Variants in SOX5 observed in about 807,000 individuals in gnomAD.
The protein encoded by SOX5 is SRY-box transcription factor 5, also known as transcription factor SOX-5.
A neutral mutation model predicts 92.0 loss-of-function variants in SOX5; 9 were observed. The ratio of observed to expected loss-of-function variants is 0.10; its 90% CI spans 0.06 to 0.17. The LOEUF (loss-of-function observed/expected upper bound fraction) is 0.17. SOX5 is among the 10% of genes least tolerant of loss of function. SOX5 has a pLI of 1.00. For missense variants in SOX5, 642 were observed against 944.5 expected (o/e 0.68, Z 4.20); for synonymous variants, 344 against 336.3 (o/e 1.02, Z -0.25).
At chr12:24,040,851 C>T (rs779753439) in intron 4 of SOX5, among the ~76,000 whole-genome samples, 1 of 151,338 alleles carries the variant, frequency 6.6e-6, no homozygotes, top group African/African-American at 2.4e-5. Context: ...CCAGCCTGGG[C>T]GACAGAGCAA....
intron 1 of SOX5, among the ~76,000 whole-genome samples, chr12:24,474,659 C>T (rs1053913553): frequency 1.3e-5 from 2 of 151,552 alleles, no homozygotes; most frequent in Admixed American, 6.6e-5. Flanking sequence ...CCTCAGTCTC[C>T]CGGGTAGCTG....
intron 3 of SOX5, among the ~76,000 whole-genome samples, chr12:24,220,345 T>A (rs1960104553): frequency 6.6e-6 from 1 of 151,938 alleles, no homozygotes; most frequent in Non-Finnish European, 1.5e-5. Context: ...AATCAGAGGA[T>A]TTGTACTTTA....
At chr12:24,000,266 T>C (rs1410016800) in intron 4 of SOX5, among the ~76,000 whole-genome samples, 1 of 151,656 alleles carries the variant, frequency 6.6e-6, no homozygotes, top group Non-Finnish European at 1.5e-5. Context: ...AAAAGGTAAA[T>C]ATGTGGGTTA....
intron 1 of SOX5, among the ~76,000 whole-genome samples, chr12:24,368,833 C>T (rs1473344537): frequency 6.6e-6 from 1 of 152,152 alleles, no homozygotes; most frequent in Non-Finnish European, 1.5e-5. Flanking sequence ...TCTAAAAACT[C>T]CATTCTTGAG....
chr12:23,628,352 C>T (rs527337607), intron 8 of SOX5, among the ~76,000 whole-genome samples: 1 of 151,962 alleles, frequency 6.6e-6, no homozygotes, highest in South Asian at 2.1e-4. Context: ...TCTCTGTTAC[C>T]TTAAGCAACT....
chr12:23,541,592 T>G (rs2135990792), intron 13 of SOX5, among the ~76,000 whole-genome samples: 1 of 152,338 alleles, frequency 6.6e-6, no homozygotes, highest in East Asian at 1.9e-4. Context: ...TATTTCCTCT[T>G]GATCAGTTCA....
chr12:24,103,661 T>C (rs1039910123), intron 4 of SOX5, among the ~76,000 whole-genome samples: 1 of 152,218 alleles, frequency 6.6e-6, no homozygotes, highest in African/African-American at 2.4e-5. Context: ...TAATAAAGTA[T>C]AAAAGCTTTA....
chr12:24,144,688 C>A (rs6487373), intron 4 of SOX5, among the ~76,000 whole-genome samples: 86,729 of 151,422 alleles, frequency 0.57, 25,128 homozygotes, highest in Non-Finnish European at 0.62. Flanking sequence ...ATTTAGCCAG[C>A]CTTGGAAGCG....
chr12:24,346,791 C>T (rs1254456976), intron 2 of SOX5, among the ~76,000 whole-genome samples: 1 of 151,898 alleles, frequency 6.6e-6, no homozygotes, highest in Admixed American at 6.6e-5. Flanking sequence ...TTGTGGTGTA[C>T]ACCGCATGTT....
At chr12:24,000,577 A>G (rs1182799765) in intron 4 of SOX5, among the ~76,000 whole-genome samples, 2 of 152,166 alleles carry the variant, frequency 1.3e-5, no homozygotes, top group African/African-American at 4.8e-5. Flanking sequence ...TGTGTATAGT[A>G]AGTAAAGGAA....
rs1946262569 is a variant in SOX5 at position 24,288,996 on chromosome 12, A to G, written c.-173-11684T>C. 3.3e-5 allele frequency among the ~76,000 whole-genome samples: 5 copies of G among 152,190 alleles called. 1 individual carries two copies. The highest frequency in any genetic ancestry group is 3.3e-4 in the Admixed American group (5 of 15,272). On this transcript the variant is annotated intron_variant, in intron 2 of 4. Coordinates refer to the SOX5 transcript ENST00000446891. ...GTAACCACCTAAATAATGACTTTGA[A>G]CTTAGAAACTTAAACTTTTTCTTTC...
At chr12:24,164,760 C>T (rs1953189651) in intron 4 of SOX5, among the ~76,000 whole-genome samples, 1 of 152,026 alleles carries the variant, frequency 6.6e-6, no homozygotes, top group Admixed American at 6.6e-5. Flanking sequence ...TTGCTTCATT[C>T]CCCTACTTTT....
At chr12:24,082,741 CT>C (rs938741308) in intron 4 of SOX5, among the ~76,000 whole-genome samples, 5 of 150,956 alleles carry the variant, frequency 3.3e-5, no homozygotes, top group African/African-American at 9.7e-5. Context: ...ACTGTTTGAT[CT>C]TTTTTTTTCT....
chr12:23,629,432 T>C (rs1159322369), intron 8 of SOX5, among the ~76,000 whole-genome samples: 2 of 152,180 alleles, frequency 1.3e-5, no homozygotes, highest in Admixed American at 1.3e-4. Context: ...TTTGTTAATA[T>C]CTGTTTTAGC....
chr12:23,600,542 TATATATATATACAC>T (rs1055662487), intron 9 of SOX5, among the ~76,000 whole-genome samples: 13 of 123,324 alleles, frequency 1.1e-4, no homozygotes, highest in Admixed American at 9.0e-5. Flanking sequence ...TATATATATA[TATATATATATACAC>T]ATACTTGGCT....
At chr12:24,514,001 G>A (rs1455476005) in intron 1 of SOX5, among the ~76,000 whole-genome samples, 2 of 152,164 alleles carry the variant, frequency 1.3e-5, no homozygotes, top group Non-Finnish European at 2.9e-5. Context: ...GTTTTTGAGA[G>A]CAGCACAAAG....
At chr12:23,964,981 C>G (rs1474845265) in intron 4 of SOX5, among the ~76,000 whole-genome samples, 3 of 152,194 alleles carry the variant, frequency 2.0e-5, no homozygotes, top group African/African-American at 7.2e-5. Context: ...TGGTGAGCAC[C>G]AGGGCTAGCG....
intron 1 of SOX5, among the ~76,000 whole-genome samples, chr12:24,475,993 T>TAAA (rs71450741): frequency 3.5e-5 from 3 of 86,138 alleles, no homozygotes; most frequent in Non-Finnish European, 6.6e-5. Flanking sequence ...GAAATACATT[T>TAAA]AAAAAAAAAA....
chr12:24,480,933 A>G (rs984043089), intron 1 of SOX5, among the ~76,000 whole-genome samples: 5 of 151,778 alleles, frequency 3.3e-5, no homozygotes, highest in African/African-American at 9.7e-5. Context: ...GGAAATCAGT[A>G]TATCAAAGAG....
Sources: allele counts gnomAD v4.1 joint callset (sites outside exome capture counted in the v4.1 genomes callset), GRCh38; gene constraint gnomAD v4.1.1; transcripts MANE v1.5; gene names NCBI Gene and HGNC (gene_info 2026-07-23, HGNC 2026-07-21).